ZMYND15: variants seen among roughly 807,000 people sequenced by gnomAD.
The protein encoded by ZMYND15 is zinc finger MYND-type containing 15.
In ZMYND15, 54 loss-of-function variants were observed where a neutral mutation model predicts 81.7. That is an observed-to-expected ratio of 0.66 (90% CI 0.53 to 0.83). The LOEUF is 0.83. ZMYND15 is among the 40% of genes least tolerant of loss of function. The pLI is 0.00. For missense variants in ZMYND15, 925 were observed against 973.5 expected (o/e 0.95, Z 0.66); for synonymous variants, 399 against 387.0 (o/e 1.03, Z -0.36).
rs772502927 is a variant in ZMYND15, at chr17:4,740,890, A to T, written c.342A>T (p.Glu114Asp). Residue 114 changes from glutamate to aspartate, a missense_variant, in exon 2 of 14, where the codon GAA becomes GAT. Glu to Asp is a conservative substitution (Grantham distance 45). Transcript: ENST00000433935. Reference protein sequence around the residue: ...ISFVSLEDGEEGEEEEEEDEE... With the variant: ...ISFVSLEDGEDGEEEEEEDEE... ...TTGTCAGCCTAGAGGATGGGGAGGA[A>T]GGGGAGGAGGAAGAGGAGGAAGATG... The T allele has an allele frequency of 1.9e-6, 3 of 1,579,750 alleles. No homozygotes were observed. The East Asian group carries it at 6.7e-5, about 36-fold the overall frequency.
In ZMYND15 at chr17:4,745,484, T is replaced by G; in HGVS notation, c.2057+109T>G. ...CCTAGTCCCTGCTGTCCTGGGGCCC[T>G]CCTGCCCCCAGCCCAGCAACCTGCC... On this transcript the variant is annotated intron_variant, in intron 13 of 13. Transcript: ENST00000433935. The surrounding 1 kb of genome is among the most constrained non-coding windows in gnomAD (Gnocchi z 5.2). 3.0e-6 allele frequency: 4 copies of G among 1,344,648 alleles called. No individual in the cohort carries two copies. Among genetic ancestry groups the G allele is most frequent in the Non-Finnish European group, 4.0e-6 (4 of 990,330 alleles). 83.3% of individuals were successfully genotyped at this position (1,344,648 alleles called of 1,614,324 possible).
chr17:4,743,727 T>C lies in ZMYND15; in HGVS notation c.1298-40T>C. ...AAGAAAGAGATGGGTCAGGTGGGGGTCTCCCTGACCCCAGGCCCCTCCTTC... is the reference window on the plus strand; with the variant it reads ...AAGAAAGAGATGGGTCAGGTGGGGGCCTCCCTGACCCCAGGCCCCTCCTTC... On this transcript the variant is annotated intron_variant, in intron 6 of 13. Transcript: ENST00000433935. This position sits in a 1 kb window ranked among gnomAD's most constrained non-coding sequence, Gnocchi z 4.3. 1 of 1,571,700 alleles carries C rather than the reference T, an allele frequency of 6.4e-7. No homozygotes were observed.
chr17:4,739,970 C>A lies in ZMYND15; in HGVS notation c.-111C>A, dbSNP rs1916308272. ...GCCGCCCGCTGAGCCGGCGAGGGCT[C>A]GGGCAGCCCTGACGTCACAACCGCA... is the stretch of plus-strand genomic sequence containing the variant. On this transcript the variant is annotated 5_prime_UTR_variant, in exon 1 of 14. Coordinates refer to ENST00000433935, the MANE Select transcript of ZMYND15 (RefSeq NM_001136046.3). This position sits in a 1 kb window ranked among gnomAD's most constrained non-coding sequence, Gnocchi z 5.3. 1.0e-6 allele frequency: 1 copy of A among 985,150 alleles called. No individual in the cohort carries two copies. The highest frequency in any genetic ancestry group is 4.7e-5 in the South Asian group (1 of 21,290). The allele number at this position is 985,150 out of a possible 1,614,324, so 61.0% of individuals were successfully genotyped here. A position where few individuals can be genotyped will look rare whatever the true frequency, so the allele number is the denominator to read the frequency against.
chr17:4,741,900 C>G lies in ZMYND15; in HGVS notation c.828-15C>G, dbSNP rs376470522. 146 of 1,611,966 alleles carry G rather than the reference C, an allele frequency of 9.1e-5. 1 individual carries two copies. The highest frequency in any genetic ancestry group is 3.3e-4 in the Middle Eastern group (2 of 6,074). On this transcript the variant is annotated splice_polypyrimidine_tract_variant and intron_variant, in intron 3 of 13. Coordinates refer to ENST00000433935, the MANE Select transcript of ZMYND15 (RefSeq NM_001136046.3). ...TCCTCCAGCCTGATGCCATCTCCCC[C>G]CCAACTGCATTTAGAGAGCTGGAGA...
chr17:4,741,592 C>A lies in ZMYND15; in HGVS notation c.603C>A (p.Pro201=), dbSNP rs776164653. The part of the protein sequence containing the change: ...KRKGQRSEAA[P]LHVSCLLLVT... Reference sequence around the variant, plus strand: ...TCCCTCTTTCCCCAGAGGCTGCCCCCCTGCACGTTTCCTGTCTCTTACTTG... The same window carrying A: ...TCCCTCTTTCCCCAGAGGCTGCCCCACTGCACGTTTCCTGTCTCTTACTTG... The change falls in exon 3 of 14, where the codon CCC becomes CCA. Residue 201 remains proline (P), a synonymous_variant. Coordinates refer to ENST00000433935, the MANE Select transcript of ZMYND15 (RefSeq NM_001136046.3). 9.9e-6 allele frequency: 16 copies of A among 1,614,034 alleles called. No homozygotes were observed. In the South Asian group the frequency reaches 1.8e-4, roughly 18 times the overall value.
Position 4,744,065 on chromosome 17 carries a change from C to T in ZMYND15, c.1453C>T (p.Leu485=), listed in dbSNP as rs370769005. The T allele has an allele frequency of 2.6e-6, 4 of 1,562,270 alleles. No homozygotes were observed. Among genetic ancestry groups the T allele is most frequent in the Non-Finnish European group, 3.5e-6 (4 of 1,152,634 alleles). The change falls in exon 8 of 14, where the codon CTG becomes TTG. Residue 485 remains leucine (L), a synonymous_variant. Coordinates refer to ENST00000433935, the MANE Select transcript of ZMYND15 (RefSeq NM_001136046.3). This position sits in a 1 kb window ranked among gnomAD's most constrained non-coding sequence, Gnocchi z 4.1. ...SPIAVLLTYP[L]TVYYVITHLV... is the part of the protein sequence containing the mutation. ...CATAGCCGTGCTTCTCACCTACCCG[C>T]TGACCGTGTACTACGTCATCACCCA...
At position 4,739,935 on chromosome 17, in the gene ZMYND15, G is replaced by A. The variant is rs1327670426; in HGVS notation, c.-146G>A. The A allele has an allele frequency of 1.4e-5, 14 of 985,156 alleles. No homozygotes were observed. The South Asian group carries it at 3.8e-4, about 26-fold the overall frequency. The allele number at this position is 985,156 out of a possible 1,614,324, so 61.0% of individuals were successfully genotyped here. On this transcript the variant is annotated 5_prime_UTR_variant, in exon 1 of 14. Coordinates refer to ENST00000433935, the MANE Select transcript of ZMYND15 (RefSeq NM_001136046.3). This position sits in a 1 kb window ranked among gnomAD's most constrained non-coding sequence, Gnocchi z 5.3. ...AGCCACCCGCGGACGCACCGAGCCC[G>A]GGGGGCGTGGCCGCCCGCTGAGCCG...
chr17:4,745,112 C>A lies in ZMYND15; in HGVS notation c.1897-103C>A. ...TCCGTCCTCCCCCTGCTCCCCTCCG[C>A]CCGGTCTGTCCGGGGACCTCGGCTT... On this transcript the variant is annotated intron_variant, in intron 12 of 13. Transcript: ENST00000433935. The surrounding 1 kb of genome is among the most constrained non-coding windows in gnomAD (Gnocchi z 5.2). 9 of 1,592,624 alleles carry A rather than the reference C, an allele frequency of 5.7e-6. No individual in the cohort carries two copies. Among genetic ancestry groups the A allele is most frequent in the Non-Finnish European group, 7.7e-6 (9 of 1,166,226 alleles).
rs140082251 is a variant in ZMYND15 at position 4,744,237 on chromosome 17, G to A, written c.1543G>A (p.Val515Met). Residue 515 changes from valine to methionine, a missense_variant, in exon 9 of 14, where the codon GTG (valine) becomes ATG (methionine). Val to Met is a conservative substitution (Grantham distance 21). Transcript: ENST00000433935. This position sits in a 1 kb window ranked among gnomAD's most constrained non-coding sequence, Gnocchi z 4.1. ...QNKQSLKIHV[V>M]EAGKEFDLVM... ...CAAACAGTCACTGAAGATCCACGTG[G>A]TGGAGGCCGGGAAGGAGTTTGACCT... The A allele has an allele frequency of 1.7e-4, 282 of 1,614,142 alleles. 2 individuals are homozygous for A. The East Asian group carries it at 5.8e-3, about 33-fold the overall frequency.
Position 4,745,137 on chromosome 17 carries a change from T to G in ZMYND15, c.1897-78T>G. 6.2e-7 allele frequency: 1 copy of G among 1,608,828 alleles called. No individual in the cohort carries two copies. On this transcript the variant is annotated intron_variant, in intron 12 of 13. Coordinates refer to ENST00000433935, the MANE Select transcript of ZMYND15 (RefSeq NM_001136046.3). The surrounding 1 kb of genome is among the most constrained non-coding windows in gnomAD (Gnocchi z 5.2). Reference sequence around the variant, plus strand: ...CCCGGTCTGTCCGGGGACCTCGGCTTTCAGCCCGGTCTGTCATTCTGGCTG... The same window carrying G: ...CCCGGTCTGTCCGGGGACCTCGGCTGTCAGCCCGGTCTGTCATTCTGGCTG...
Position 4,743,749 on chromosome 17 carries a change from C to T in ZMYND15, c.1298-18C>T, listed in dbSNP as rs58209386. 0.14 allele frequency: 232,811 copies of T among 1,609,474 alleles called. 19,980 individuals carry two copies. The highest frequency in any genetic ancestry group is 0.34 in the African/African-American group (25,737 of 74,708). ...GGGTCTCCCTGACCCCAGGCCCCTC[C>T]TTCTTTCATCCTCTCAGGAGACCCC... On this transcript the variant is annotated intron_variant, in intron 6 of 13. Transcript: ENST00000433935. This position sits in a 1 kb window ranked among gnomAD's most constrained non-coding sequence, Gnocchi z 4.3.
rs751837102 is a variant in ZMYND15, at chr17:4,744,975, C to T, written c.1896+47C>T. The T allele has an allele frequency of 3.1e-6, 5 of 1,609,796 alleles. No homozygotes were observed. Among genetic ancestry groups the T allele is most frequent in the Admixed American group, 1.7e-5 (1 of 59,988 alleles). ...GAACTTCTCTCCCCTCCTGCCTGGC[C>T]CCTCCCCATCTCCTTTTCTGAAAGT... is the stretch of plus-strand genomic sequence containing the variant. On this transcript the variant is annotated intron_variant, in intron 12 of 13. Transcript: ENST00000433935. The surrounding 1 kb of genome is among the most constrained non-coding windows in gnomAD (Gnocchi z 4.1).
At chr17:4,742,283 G>T in intron 4 of ZMYND15, 48 bp from the exon 5 acceptor site, 5 of 1,604,618 alleles carry the variant, frequency 3.1e-6, no homozygotes, top group Non-Finnish European at 4.3e-6. Flanking sequence ...CAGCAGACAG[G>T]ACCTACAGAG....
Position 4,744,987 on chromosome 17 carries a change from C to T in ZMYND15, c.1896+59C>T, listed in dbSNP as rs1375445318. ...CCTCCTGCCTGGCCCCTCCCCATCT[C>T]CTTTTCTGAAAGTCTCTGGGCTCTC... On this transcript the variant is annotated intron_variant, in intron 12 of 13. Transcript: ENST00000433935. The surrounding 1 kb of genome is among the most constrained non-coding windows in gnomAD (Gnocchi z 4.1). 1.4e-5 allele frequency: 23 copies of T among 1,607,760 alleles called. No homozygotes were observed.
At position 4,740,539 on chromosome 17, in the gene ZMYND15, C is replaced by T. The variant is rs774347238; in HGVS notation, c.-10C>T. 2.5e-6 allele frequency: 4 copies of T among 1,579,512 alleles called. No individual in the cohort carries two copies. In the South Asian group the frequency reaches 3.5e-5, roughly 14 times the overall value. ...CTCAGTCTGGGCCGGGGCCCTGTGC[C>T]GCTGAAGACATGGAGTTTGTGTCTG... On this transcript the variant is annotated 5_prime_UTR_variant, in exon 2 of 14. Transcript: ENST00000433935.
chr17:4,745,682 G>GC lies in ZMYND15; in HGVS notation c.2058-132dup. On this transcript the variant is annotated intron_variant, in intron 13 of 13. Transcript: ENST00000433935. This position sits in a 1 kb window ranked among gnomAD's most constrained non-coding sequence, Gnocchi z 5.2. ...CCTGGAACTCAGAGGGGCAAGCCCC[G>GC]CCCCCTGGTCCCTGACCGCCCGGTG... 1 of 523,274 alleles carries GC rather than the reference G, an allele frequency of 1.9e-6. No homozygotes were observed. The highest frequency in any genetic ancestry group is 3.9e-5 in the Admixed American group (1 of 25,722). 32.4% of individuals were successfully genotyped at this position (523,274 alleles called of 1,614,324 possible).
rs200773936 is a variant in ZMYND15 at position 4,744,221 on chromosome 17, A to G, written c.1527A>G (p.Ser509=). The part of the protein sequence containing the change: ...FPELNIQNKQ[S]LKIHVVEAGK... ...AGCTCAACATCCAAAACAAACAGTC[A>G]CTGAAGATCCACGTGGTGGAGGCCG... is the stretch of plus-strand genomic sequence containing the variant. Residue 509 remains serine (S), a synonymous_variant, in exon 9 of 14, where the codon TCA becomes TCG. Transcript: ENST00000433935. The surrounding 1 kb of genome is among the most constrained non-coding windows in gnomAD (Gnocchi z 4.1). The G allele has an allele frequency of 5.6e-5, 91 of 1,613,892 alleles. No homozygotes were observed. Among genetic ancestry groups the G allele is most frequent in the Non-Finnish European group, 7.1e-5 (84 of 1,180,018 alleles).
At position 4,745,568 on chromosome 17, in the gene ZMYND15, CCT is replaced by C. The variant is rs529323853; in HGVS notation, c.2057+196_2057+197del. Among the ~76,000 whole-genome samples, 577 of 152,124 alleles carry C rather than the reference CCT, an allele frequency of 3.8e-3. 2 individuals carry two copies. Among genetic ancestry groups the C allele is most frequent in the African/African-American group, 0.012 (478 of 41,504 alleles). On this transcript the variant is annotated intron_variant, in intron 13 of 13. Transcript: ENST00000433935. The surrounding 1 kb of genome is among the most constrained non-coding windows in gnomAD (Gnocchi z 5.2). ...AGGTCTCGACATCCCCCAGCACACC[CCT>C]CTTTAGATCTAGCTCACGGAATCTC...
rs1340615571 is a variant in ZMYND15 at position 4,742,036 on chromosome 17, C to T, written c.949C>T (p.His317Tyr). 1 of 1,614,176 alleles carries T rather than the reference C, an allele frequency of 6.2e-7. No homozygotes were observed. Among genetic ancestry groups the T allele is most frequent in the East Asian group, 2.2e-5 (1 of 44,886 alleles). ...TCGTGCTCGAACCTGCCATGTGTGTCACAGGCACAGCTTTGAAGCGAAGCT... is the reference window on the plus strand; with the variant it reads ...TCGTGCTCGAACCTGCCATGTGTGTTACAGGCACAGCTTTGAAGCGAAGCT... The part of the protein sequence containing the change: ...SLRARTCHVC[H>Y]RHSFEAKLTP... Residue 317 changes from histidine (H) to tyrosine (Y), a missense_variant, in exon 4 of 14, where the codon CAC (histidine) becomes TAC (tyrosine). Physicochemically the swap from His to Tyr is moderately conservative, Grantham distance 83 (BLOSUM62 2). Coordinates refer to ENST00000433935, the MANE Select transcript of ZMYND15 (RefSeq NM_001136046.3).
Sources: allele counts gnomAD v4.1 joint callset (sites outside exome capture counted in the v4.1 genomes callset), GRCh38; gene constraint gnomAD v4.1.1; non-coding constraint Gnocchi (gnomAD v3.1); transcripts MANE v1.5; gene names NCBI Gene and HGNC (gene_info 2026-07-23, HGNC 2026-07-21).